The following SOX10 variants were observed in gnomAD, a reference collection of about 807,000 sequenced individuals.
SOX10 encodes the protein SRY-box transcription factor 10.
A neutral mutation model predicts 35.0 loss-of-function variants in SOX10; 3 were observed. That is an observed-to-expected ratio of 0.09 (90% CI 0.04 to 0.22). The LOEUF (loss-of-function observed/expected upper bound fraction) is 0.22, where lower values mean the gene tolerates loss of function less well. SOX10 is among the 10% of genes least tolerant of loss of function. SOX10 has a pLI of 1.00. For synonymous variants in SOX10, 285 were observed against 291.0 expected (o/e 0.98, Z 0.21); for missense variants, 436 against 655.1 (o/e 0.67, Z 3.65).
rs1932169346 is a variant in SOX10 at position 37,974,571 on chromosome 22, T to C, written c.698-373A>G. On this transcript the variant is annotated intron_variant, in intron 3 of 3. Coordinates refer to ENST00000396884, the MANE Select transcript of SOX10 (RefSeq NM_006941.4). This position sits in a 1 kb window ranked among gnomAD's most constrained non-coding sequence, Gnocchi z 5.4. ...TTTCACCATGTTGGCCAGGGTTGTC[T>C]TGAACTCCTGACCTCAGGTGATCCA... is the stretch of plus-strand genomic sequence containing the variant. 6.6e-6 allele frequency among the ~76,000 whole-genome samples: 1 copy of C among 152,120 alleles called. No homozygotes were observed. Among genetic ancestry groups the C allele is most frequent in the South Asian group, 2.1e-4 (1 of 4,828 alleles).
In SOX10 at chr22:37,974,226, A is replaced by C. The variant is rs770901246; in HGVS notation, c.698-28T>G. 215 of 1,547,460 alleles carry C rather than the reference A, an allele frequency of 1.4e-4. No individual in the cohort carries two copies. Among genetic ancestry groups the C allele is most frequent in the Non-Finnish European group, 1.8e-4 (209 of 1,136,832 alleles). ...GGGTAGAAGGGAGACAGAGAGAGAG[A>C]GCGCAAGGGGGAAGCAGGTTAGAGG... is the stretch of plus-strand genomic sequence containing the variant. On this transcript the variant is annotated intron_variant, in intron 3 of 3. Transcript: ENST00000396884. The surrounding 1 kb of genome is among the most constrained non-coding windows in gnomAD (Gnocchi z 5.4).
chr22:37,983,822 T>C lies in SOX10; in HGVS notation c.-38A>G. On this transcript the variant is annotated 5_prime_UTR_variant, in exon 2 of 4. Coordinates refer to ENST00000396884, the MANE Select transcript of SOX10 (RefSeq NM_006941.4). This position sits in a 1 kb window ranked among gnomAD's most constrained non-coding sequence, Gnocchi z 9.5. ...CGCCGCCGCCGCCGCCTCGGCCGCC[T>C]CCCCCGGGCCAGCCGCCGGGGTCCT... 2.2e-6 allele frequency: 3 copies of C among 1,381,742 alleles called. No homozygotes were observed. The highest frequency in any genetic ancestry group is 1.4e-5 in the South Asian group (1 of 71,240). 85.6% of individuals were successfully genotyped at this position (1,381,742 alleles called of 1,614,324 possible). A position where few individuals can be genotyped will look rare whatever the true frequency, so the allele number is the denominator to read the frequency against.
rs1201092113 is a variant in SOX10 at position 37,973,687 on chromosome 22, A to C, written c.1209T>G (p.Ser403=). 1 of 1,610,044 alleles carries C rather than the reference A, an allele frequency of 6.2e-7. No homozygotes were observed. Among genetic ancestry groups the C allele is most frequent in the African/African-American group, 1.3e-5 (1 of 74,798 alleles). ...AATAGGGTCCTGAGGGCTGATGGTC[A>C]GAGTAGTCAAACTGGGGGCGGGAGA... ...PSISRPQFDY[S]DHQPSGPYYG... is the part of the protein sequence containing the mutation. Residue 403 remains serine (S), a synonymous_variant, in exon 4 of 4, where the codon TCT becomes TCG. Coordinates refer to ENST00000396884, the MANE Select transcript of SOX10 (RefSeq NM_006941.4).
At position 37,981,120 on chromosome 22, in the gene SOX10, C is replaced by G. The variant is rs1243985443; in HGVS notation, c.428+2237G>C. Reference sequence around the variant, plus strand: ...GGGCTCCAGTGTGTCTGATCCCACACTCCCTTGGGGCACTCCACACAGTCT... The same window carrying G: ...GGGCTCCAGTGTGTCTGATCCCACAGTCCCTTGGGGCACTCCACACAGTCT... On this transcript the variant is annotated intron_variant, in intron 2 of 3. Transcript: ENST00000396884. Among the ~76,000 whole-genome samples, 9 of 152,358 alleles carry G rather than the reference C, an allele frequency of 5.9e-5. No individual in the cohort carries two copies. In the East Asian group the frequency reaches 1.5e-3, roughly 26 times the overall value.
chr22:37,974,840 C>T lies in SOX10; in HGVS notation c.698-642G>A, dbSNP rs1174705318. ...CAGCCTTTGCGCTCTGCCAGCCCCG[C>T]TTCCACACCCATGCCTACTGTCTTC... On this transcript the variant is annotated intron_variant, in intron 3 of 3. Coordinates refer to ENST00000396884, the MANE Select transcript of SOX10 (RefSeq NM_006941.4). This position sits in a 1 kb window ranked among gnomAD's most constrained non-coding sequence, Gnocchi z 5.4. Among the ~76,000 whole-genome samples the T allele has an allele frequency of 6.6e-6, 1 of 152,240 alleles. No individual in the cohort carries two copies. The highest frequency in any genetic ancestry group is 1.5e-5 in the Non-Finnish European group (1 of 68,042).
Position 37,983,941 on chromosome 22 carries a change from A to G in SOX10, c.-84-73T>C, listed in dbSNP as rs1450758254. The stretch of plus-strand genomic sequence containing the variant: ...GGGCGGCCCGAGACAGGACGTGGGC[A>G]CAGCCCCGAGGTGGCGGCCCTTCCT... On this transcript the variant is annotated intron_variant, in intron 1 of 3. Coordinates refer to ENST00000396884, the MANE Select transcript of SOX10 (RefSeq NM_006941.4). This position sits in a 1 kb window ranked among gnomAD's most constrained non-coding sequence, Gnocchi z 9.5. The G allele has an allele frequency of 2.0e-6, 1 of 493,562 alleles. No homozygotes were observed. The highest frequency in any genetic ancestry group is 5.0e-5 in the Admixed American group (1 of 20,028). 30.6% of individuals were successfully genotyped at this position (493,562 alleles called of 1,614,324 possible).
chr22:37,974,402 G>C lies in SOX10; in HGVS notation c.698-204C>G, dbSNP rs1932163723. Among the ~76,000 whole-genome samples, 1 of 151,258 alleles carries C rather than the reference G, an allele frequency of 6.6e-6. No individual in the cohort carries two copies. The highest frequency in any genetic ancestry group is 1.5e-5 in the Non-Finnish European group (1 of 67,908). On this transcript the variant is annotated intron_variant, in intron 3 of 3. Transcript: ENST00000396884. This position sits in a 1 kb window ranked among gnomAD's most constrained non-coding sequence, Gnocchi z 5.4. ...AGTTTCGCTCTTGTTGCCCAGACTGGAGTGCAGTGGCGCCATCTCGGCTCA... is the reference window on the plus strand; with the variant it reads ...AGTTTCGCTCTTGTTGCCCAGACTGCAGTGCAGTGGCGCCATCTCGGCTCA...
intron 2 of SOX10, among the ~76,000 whole-genome samples, chr22:37,981,867 G>T (rs1254292583): frequency 6.6e-6 from 1 of 152,216 alleles, no homozygotes; most frequent in African/African-American, 2.4e-5. Flanking sequence ...CCCTGGGTGA[G>T]CAGGGCACTG....
Position 37,974,389 on chromosome 22 carries a change from G to A in SOX10, c.698-191C>T, listed in dbSNP as rs1932163450. 6.8e-6 allele frequency among the ~76,000 whole-genome samples: 1 copy of A among 146,450 alleles called. No homozygotes were observed. Among genetic ancestry groups the A allele is most frequent in the Non-Finnish European group, 1.5e-5 (1 of 67,366 alleles). On this transcript the variant is annotated intron_variant, in intron 3 of 3. Coordinates refer to ENST00000396884, the MANE Select transcript of SOX10 (RefSeq NM_006941.4). This position sits in a 1 kb window ranked among gnomAD's most constrained non-coding sequence, Gnocchi z 5.4. ...TTTTTTGAGATGGAGTTTCGCTCTT[G>A]TTGCCCAGACTGGAGTGCAGTGGCG...
Position 37,983,792 on chromosome 22 carries a change from C to T in SOX10, c.-8G>A, listed in dbSNP as rs1360582970. 1.0e-5 allele frequency: 15 copies of T among 1,429,044 alleles called. No individual in the cohort carries two copies. The highest frequency in any genetic ancestry group is 1.4e-5 in the Non-Finnish European group (15 of 1,090,730). The allele number at this position is 1,429,044 out of a possible 1,614,324, so 88.5% of individuals were successfully genotyped here. A position where few individuals can be genotyped will look rare whatever the true frequency, so the allele number is the denominator to read the frequency against. On this transcript the variant is annotated 5_prime_UTR_variant, in exon 2 of 4. Coordinates refer to ENST00000396884, the MANE Select transcript of SOX10 (RefSeq NM_006941.4). The surrounding 1 kb of genome is among the most constrained non-coding windows in gnomAD (Gnocchi z 9.5). ...GTCCTGCTCCTCCGCCATGTCGCCC[C>T]CGGCCGCCGCCGCCGCCGCCTCGGC...
intron 3 of SOX10, among the ~76,000 whole-genome samples, chr22:37,976,222 C>CAAACAA (rs1305354233): frequency 1.3e-5 from 2 of 152,190 alleles, no homozygotes; most frequent in African/African-American, 2.4e-5. Context: ...GACTCCATCT[C>CAAACAA]AAACAAAAAC....
At position 37,972,820 on chromosome 22, in the gene SOX10, G is replaced by C. The variant is rs1448696313; in HGVS notation, c.*675C>G. 1 of 153,996 alleles carries C rather than the reference G, an allele frequency of 6.5e-6. No individual in the cohort carries two copies. Among genetic ancestry groups the C allele is most frequent in the Non-Finnish European group, 1.4e-5 (1 of 69,204 alleles). 9.5% of individuals were successfully genotyped at this position (153,996 alleles called of 1,614,324 possible). On this transcript the variant is annotated 3_prime_UTR_variant, in exon 4 of 4. Transcript: ENST00000396884. ...ATGGAGGTTGTAGTGGAGGAGGACTGGGGGCTGTTTCTCAGACAAAGAATG... is the reference window on the plus strand; with the variant it reads ...ATGGAGGTTGTAGTGGAGGAGGACTCGGGGCTGTTTCTCAGACAAAGAATG...
chr22:37,976,209 CA>C (rs1438950450), intron 3 of SOX10, among the ~76,000 whole-genome samples: 2 of 152,136 alleles, frequency 1.3e-5, no homozygotes, highest in African/African-American at 4.8e-5. Flanking sequence ...GGCAACAGAG[CA>C]AGACTCCATC....
In SOX10 at chr22:37,973,281, T is replaced by TCCAG; in HGVS notation, c.*210_*213dup. ...CAACAGTCAACCTCCTTCTCCTCTGTCCAGCCTGTTCTCCTGGGGCTTTGC... is the reference window on the plus strand; with the variant it reads ...CAACAGTCAACCTCCTTCTCCTCTGTCCAGCCAGCCTGTTCTCCTGGGGCTTTGC... On this transcript the variant is annotated 3_prime_UTR_variant, in exon 4 of 4. Transcript: ENST00000396884. The TCCAG allele has an allele frequency of 1.8e-6, 1 of 555,990 alleles. No individual in the cohort carries two copies. The highest frequency in any genetic ancestry group is 2.6e-5 in the South Asian group (1 of 38,230). 34.4% of individuals were successfully genotyped at this position (555,990 alleles called of 1,614,324 possible).
rs375902319 is a variant in SOX10 at position 37,978,201 on chromosome 22, T to A, written c.429-66A>T. On this transcript the variant is annotated intron_variant, in intron 2 of 3. Coordinates refer to ENST00000396884, the MANE Select transcript of SOX10 (RefSeq NM_006941.4). This position sits in a 1 kb window ranked among gnomAD's most constrained non-coding sequence, Gnocchi z 5.0. ...GGCGTGAATGCCAGAGCACTCCAGG[T>A]TGGCCTCCCTCTGAGTGTCCATCTT... The A allele has an allele frequency of 1.3e-4, 193 of 1,443,516 alleles. 8 individuals carry two copies. Among genetic ancestry groups the A allele is most frequent in the East Asian group, 1.1e-3 (45 of 40,574 alleles). 89.4% of individuals were successfully genotyped at this position (1,443,516 alleles called of 1,614,324 possible).
chr22:37,973,596 G>T lies in SOX10; in HGVS notation c.1300C>A (p.Pro434Thr). 1 of 1,613,254 alleles carries T rather than the reference G, an allele frequency of 6.2e-7. No homozygotes were observed. Among genetic ancestry groups the T allele is most frequent in the Non-Finnish European group, 8.5e-7 (1 of 1,179,738 alleles). The change falls in exon 4 of 4, where the codon CCC (proline) becomes ACC (threonine). Residue 434 changes from proline (P) to threonine (T), a missense_variant. This residue lies in a region of SOX10 where 285 missense variants were observed against 402.9 expected (regional missense o/e 0.71). Transcript: ENST00000396884. ...AFSYMGPSQR[P>T]LYTAISDPSP... ...GGGTCAGAGATGGCCGTGTAGAGGG[G>T]CCGCTGCGAGGGCCCCATATAGGAG...
chr22:37,977,856 T>C lies in SOX10; in HGVS notation c.697+11A>G, dbSNP rs765656215. The stretch of plus-strand genomic sequence containing the variant: ...CCTTGCCCCACCCTCAGCTCTGTCA[T>C]CAGCACTCACCTGAGGGGTGCTCGG... On this transcript the variant is annotated intron_variant, in intron 3 of 3. Coordinates refer to ENST00000396884, the MANE Select transcript of SOX10 (RefSeq NM_006941.4). The C allele has an allele frequency of 6.2e-7, 1 of 1,605,014 alleles. No homozygotes were observed. Among genetic ancestry groups the C allele is most frequent in the South Asian group, 1.1e-5 (1 of 90,786 alleles).
At position 37,972,393 on chromosome 22, in the gene SOX10, T is replaced by G. The variant is rs1265476371; in HGVS notation, c.*1102A>C. The G allele has an allele frequency of 1.4e-5, 6 of 418,454 alleles. No homozygotes were observed. The highest frequency in any genetic ancestry group is 2.8e-5 in the Non-Finnish European group (6 of 213,578). 25.9% of individuals were successfully genotyped at this position (418,454 alleles called of 1,614,324 possible). On this transcript the variant is annotated 3_prime_UTR_variant, in exon 4 of 4. Coordinates refer to ENST00000396884, the MANE Select transcript of SOX10 (RefSeq NM_006941.4). ...TAGAGTGGCTAGGAGAGGGGACTAC[T>G]GAGATAAATAACAGGAGACAGTAAT... is the stretch of plus-strand genomic sequence containing the variant.
chr22:37,974,349 T>C lies in SOX10; in HGVS notation c.698-151A>G. The stretch of plus-strand genomic sequence containing the variant: ...CACATTTTGGCAGCATGAGTCGGGT[T>C]TTTTTTTGTTTTTTTTTTTTGAGAT... On this transcript the variant is annotated intron_variant, in intron 3 of 3. Coordinates refer to ENST00000396884, the MANE Select transcript of SOX10 (RefSeq NM_006941.4). This position sits in a 1 kb window ranked among gnomAD's most constrained non-coding sequence, Gnocchi z 5.4. 1 of 612,998 alleles carries C rather than the reference T, an allele frequency of 1.6e-6. No individual in the cohort carries two copies. Among genetic ancestry groups the C allele is most frequent in the Non-Finnish European group, 2.9e-6 (1 of 350,612 alleles). 38.0% of individuals were successfully genotyped at this position (612,998 alleles called of 1,614,324 possible).
Sources: allele counts gnomAD v4.1 joint callset (sites outside exome capture counted in the v4.1 genomes callset), GRCh38; gene constraint gnomAD v4.1.1; regional missense constraint gnomAD v4.1.1; non-coding constraint Gnocchi (gnomAD v3.1); transcripts MANE v1.5; gene names NCBI Gene and HGNC (gene_info 2026-07-23, HGNC 2026-07-21).